Variants in CACNA1B observed in about 807,000 individuals in gnomAD.
CACNA1B encodes the protein calcium voltage-gated channel subunit alpha1 B, also known as voltage-dependent N-type calcium channel subunit alpha-1B.
Under a neutral mutation model 247.2 loss-of-function variants are expected in CACNA1B, and 70 were observed. The observed-to-expected ratio is 0.28, with a 90% CI of 0.23 to 0.35. CACNA1B has a LOEUF of 0.35. Ranked by LOEUF, CACNA1B falls within the 10% of genes least tolerant of loss-of-function variation. CACNA1B has a pLI of 1.00. For missense variants in CACNA1B, 2,367 were observed against 3,197.4 expected, an observed-to-expected ratio of 0.74 and a Z score of 6.26; for synonymous variants, 1,231 against 1,294.4, an observed-to-expected ratio of 0.95 and a Z score of 1.05.
intron 10 of CACNA1B, among the ~76,000 whole-genome samples, chr9:137,961,834 G>A (rs143463952): frequency 7.0e-4 from 107 of 152,274 alleles, no homozygotes; most frequent in African/African-American, 2.5e-3. Context: ...ATATTGGCCT[G>A]AAGTTTTCTT....
In CACNA1B at chr9:137,880,917, G is replaced by A. The variant is rs557060196; in HGVS notation, c.390+1758G>A. On this transcript the variant is annotated intron_variant, in intron 2 of 46. Coordinates refer to ENST00000371372, the MANE Select transcript of CACNA1B (RefSeq NM_000718.4). The surrounding 1 kb of genome is among the most constrained non-coding windows in gnomAD (Gnocchi z 4.8). ...GTTTCCCACCTCCCCGTCGACTCTG[G>A]AGCTACCTCGAGCCAGGCCCCAGCT... Among the ~76,000 whole-genome samples the A allele has an allele frequency of 1.3e-5, 2 of 152,140 alleles. No homozygotes were observed. The highest frequency in any genetic ancestry group is 4.8e-5 in the African/African-American group (2 of 41,448).
chr9:137,984,349 G>C, intron 13 of CACNA1B, 99 bp downstream of exon 13: 1 of 829,304 alleles, frequency 1.2e-6, no homozygotes, highest in Admixed American at 2.1e-5. Context: ...ACAGCACCCA[G>C]AAGCTCTCTC....
chr9:137,997,010 A>G (rs759828988), intron 15 of CACNA1B, among the ~76,000 whole-genome samples: 11 of 152,248 alleles, frequency 7.2e-5, no homozygotes, highest in Non-Finnish European at 1.5e-4. Flanking sequence ...TAGAAATGCA[A>G]GATAATTCAA....
intron 3 of CACNA1B, among the ~76,000 whole-genome samples, chr9:137,896,318 C>A (rs554815756): frequency 6.6e-6 from 1 of 150,442 alleles, no homozygotes; most frequent in African/African-American, 2.4e-5. Flanking sequence ...TCCCTCTGTT[C>A]CAGTTTTCCA....
chr9:137,985,492 C>T (rs962028072), intron 13 of CACNA1B, among the ~76,000 whole-genome samples: 2 of 152,220 alleles, frequency 1.3e-5, no homozygotes, highest in African/African-American at 4.8e-5. Flanking sequence ...CTGCTAGTCC[C>T]AGGAGAAGGT....
Position 137,973,082 on chromosome 9 carries a change from T to C in CACNA1B, c.1543+1490T>C, listed in dbSNP as rs1158451381. On this transcript the variant is annotated intron_variant, in intron 11 of 46. Coordinates refer to ENST00000371372, the MANE Select transcript of CACNA1B (RefSeq NM_000718.4). The surrounding 1 kb of genome is among the most constrained non-coding windows in gnomAD (Gnocchi z 4.1). ...CCCGTGAGAGGCTGTTGGTGTGCAG[T>C]GAGTCGGCAGGCAGTGGGGTAGGGG... is the stretch of plus-strand genomic sequence containing the variant. Among the ~76,000 whole-genome samples the C allele has an allele frequency of 6.6e-6, 1 of 152,164 alleles. No homozygotes were observed. The highest frequency in any genetic ancestry group is 1.5e-5 in the Non-Finnish European group (1 of 68,026).
At chr9:138,001,686 TATA>T (rs1958579621) in intron 15 of CACNA1B, among the ~76,000 whole-genome samples, 1 of 152,114 alleles carries the variant, frequency 6.6e-6, no homozygotes, top group African/African-American at 2.4e-5. Context: ...ATATATTAGA[TATA>T]ATAAGAAAAT....
chr9:138,008,582 G>T (rs1420205513), intron 16 of CACNA1B, among the ~76,000 whole-genome samples: 1 of 152,248 alleles, frequency 6.6e-6, no homozygotes, highest in South Asian at 2.1e-4. Flanking sequence ...TGTCCAGCCA[G>T]AGAGGGACCT....
chr9:137,906,052 G>A (rs1056981698), intron 3 of CACNA1B, among the ~76,000 whole-genome samples: 7 of 152,244 alleles, frequency 4.6e-5, no homozygotes, highest in African/African-American at 1.2e-4. Context: ...GTGGGCTGCA[G>A]TTAGGTTGTA....
At chr9:137,923,614 G>T (rs563265438) in intron 6 of CACNA1B, among the ~76,000 whole-genome samples, 8 of 152,288 alleles carry the variant, frequency 5.3e-5, no homozygotes, top group African/African-American at 1.9e-4. Context: ...GAATAGAGTT[G>T]CTGTACACAT....
chr9:138,044,734 G>C (rs1959169263), intron 21 of CACNA1B, among the ~76,000 whole-genome samples: 1 of 152,192 alleles, frequency 6.6e-6, no homozygotes, highest in South Asian at 2.1e-4. Context: ...AGGCTGCATG[G>C]ACGTACCCCT....
intron 6 of CACNA1B, among the ~76,000 whole-genome samples, chr9:137,941,435 GAC>G (rs1305641642): frequency 6.6e-6 from 1 of 152,138 alleles, no homozygotes; most frequent in Admixed American, 6.6e-5. Flanking sequence ...AATTATAGGT[GAC>G]ACAAACAAAT....
intron 10 of CACNA1B, among the ~76,000 whole-genome samples, chr9:137,961,227 C>A (rs192365153): frequency 3.9e-5 from 6 of 152,020 alleles, no homozygotes; most frequent in Non-Finnish European, 7.4e-5. Context: ...AGAATGCTGG[C>A]GATTTTTGAA....
At chr9:138,116,133 C>T (rs912564390) in intron 42 of CACNA1B, among the ~76,000 whole-genome samples, 1 of 152,238 alleles carries the variant, frequency 6.6e-6, no homozygotes, top group South Asian at 2.1e-4. Flanking sequence ...TCCTCATCGG[C>T]CCTCCGTGCC....
intron 25 of CACNA1B, among the ~76,000 whole-genome samples, chr9:138,053,262 ACCTGTAAGGTCGG>A (rs1383819535): frequency 6.6e-6 from 1 of 152,110 alleles, no homozygotes; most frequent in Non-Finnish European, 1.5e-5. Context: ...CTGAACTCTG[ACCTGTAAGGTCGG>A]CCCTCCTAGG....
At chr9:138,101,562 G>A (rs1273464861) in intron 37 of CACNA1B, among the ~76,000 whole-genome samples, 1 of 152,274 alleles carries the variant, frequency 6.6e-6, no homozygotes, top group African/African-American at 2.4e-5. Flanking sequence ...CCCAGAGGAA[G>A]GGAGCACGGG....
chr9:137,944,698 A>G (rs1422446742), intron 6 of CACNA1B, among the ~76,000 whole-genome samples: 1 of 152,106 alleles, frequency 6.6e-6, no homozygotes, highest in East Asian at 1.9e-4. Context: ...GCTTTTCTGT[A>G]TGTTGTTTTA....
At chr9:138,047,499 C>T (rs923777156) in intron 23 of CACNA1B, 41 bp downstream of exon 23, 24 of 1,409,028 alleles carry the variant, frequency 1.7e-5, no homozygotes, top group East Asian at 2.3e-5. Context: ...GTGTTTTGCT[C>T]TCCCTCCCTC....
In CACNA1B at chr9:138,016,747, C is replaced by G. The variant is rs10780198; in HGVS notation, c.2267+3512C>G. Among the ~76,000 whole-genome samples, 1,467 of 151,592 alleles carry G rather than the reference C, an allele frequency of 9.7e-3. 14 individuals carry two copies. The highest frequency in any genetic ancestry group is 0.014 in the Non-Finnish European group (950 of 67,802). ...TGCCCCATCTTGAGGGCCGGGAGACCGTGCAGTCAGCCTCCCGCCGCAGGG... is the reference window on the plus strand; with the variant it reads ...TGCCCCATCTTGAGGGCCGGGAGACGGTGCAGTCAGCCTCCCGCCGCAGGG... On this transcript the variant is annotated intron_variant, in intron 18 of 46. Transcript: ENST00000371372.
Sources: allele counts gnomAD v4.1 joint callset (sites outside exome capture counted in the v4.1 genomes callset), GRCh38; gene constraint gnomAD v4.1.1; non-coding constraint Gnocchi (gnomAD v3.1); transcripts MANE v1.5; gene names NCBI Gene and HGNC (gene_info 2026-07-23, HGNC 2026-07-21).